NBAS: variants seen among roughly 807,000 people sequenced by gnomAD.
NBAS encodes NAG/BC035112 fusion.
NBAS carries 219 observed loss-of-function variants against 302.5 expected under a neutral mutation model. The observed-to-expected ratio is 0.72, with a 90% CI of 0.65 to 0.81. The LOEUF is 0.81. Among genes scored for constraint, NBAS ranks in the 30% least tolerant of loss-of-function variants. The probability of loss-of-function intolerance (pLI) is 0.00; values close to 1 mark genes in which losing one functional copy is unlikely to be tolerated. For synonymous variants in NBAS, 1,118 were observed against 1,021.6 expected, an observed-to-expected ratio of 1.09 and a Z score of -1.80; for missense variants, 2,932 against 2,841.6, an observed-to-expected ratio of 1.03 and a Z score of -0.72.
At position 15,468,311 on chromosome 2, in the gene NBAS, G is replaced by A. The variant is rs898933673; in HGVS notation, c.1877+71C>T. The A allele has an allele frequency of 1.3e-5, 21 of 1,556,334 alleles. No homozygotes were observed. In the African/African-American group the frequency reaches 2.7e-4, roughly 20 times the overall value. On this transcript the variant is annotated intron_variant, in intron 17 of 51. Transcript: ENST00000281513. ...ACTTAAATAAAGAAAAGTTTACCCA[G>A]TCCAATGTCTCAGTACAAAAGTTTT... is the stretch of plus-strand genomic sequence containing the variant.
chr2:14,843,582 A>ACACACACACACAC, the NBAS span, among the ~76,000 whole-genome samples: 8,199 of 150,524 alleles, frequency 0.054, 273 homozygotes, highest in African/African-American at 0.082. Context: ...ACACACACAC[A>ACACACACACACAC]AAAATACCTT....
the NBAS span, among the ~76,000 whole-genome samples, chr2:14,793,917 GA>G: frequency 2.6e-5 from 4 of 151,850 alleles, no homozygotes; most frequent in African/African-American, 7.2e-5. Flanking sequence ...CGAGTACCGT[GA>G]AAAAAAATGC....
intron 48 of NBAS, among the ~76,000 whole-genome samples, chr2:15,218,543 C>G (rs1414025555): frequency 6.6e-6 from 1 of 152,182 alleles, no homozygotes; most frequent in African/African-American, 2.4e-5. Flanking sequence ...CCTGCCTCAG[C>G]CTCCCGAGCA....
the NBAS span, among the ~76,000 whole-genome samples, chr2:14,836,300 A>G: frequency 6.6e-6 from 1 of 151,830 alleles, no homozygotes; most frequent in African/African-American, 2.4e-5. Context: ...TTATTGTGTT[A>G]CAACTATAAA....
intron 38 of NBAS, among the ~76,000 whole-genome samples, chr2:15,311,509 A>C (rs554215887): frequency 6.6e-6 from 1 of 152,210 alleles, no homozygotes; most frequent in African/African-American, 2.4e-5. Context: ...TTCCAATAAC[A>C]ACCACAGTGC....
At chr2:15,166,033 G>T (rs1455973441), downstream of NBAS, among the ~76,000 whole-genome samples, 1 of 152,254 alleles carries the variant, frequency 6.6e-6, no homozygotes, top group Non-Finnish European at 1.5e-5. Context: ...CTGCTGCTGT[G>T]GCTTCGATAA....
At position 15,461,197 on chromosome 2, in the gene NBAS, A is replaced by G; in HGVS notation, c.2339+4T>C. ...GGTAAAATTCTGTTAACATAGTCAC[A>G]TACCAAGCTTCGGGCAGCAAAACAG... On this transcript the variant is annotated splice_donor_region_variant and intron_variant, in intron 21 of 51. Coordinates refer to ENST00000281513, the MANE Select transcript of NBAS (RefSeq NM_015909.4). 6.2e-7 allele frequency: 1 copy of G among 1,613,496 alleles called. No homozygotes were observed. The highest frequency in any genetic ancestry group is 8.5e-7 in the Non-Finnish European group (1 of 1,179,476).
chr2:15,073,319 A>G, the NBAS span, among the ~76,000 whole-genome samples: 2 of 152,014 alleles, frequency 1.3e-5, no homozygotes, highest in African/African-American at 2.4e-5. Context: ...TCTCTACTAA[A>G]AATACAAAAA....
chr2:15,028,589 CATAATTGAGCA>C, the NBAS span, among the ~76,000 whole-genome samples: 1 of 152,326 alleles, frequency 6.6e-6, no homozygotes, highest in Admixed American at 6.5e-5. Context: ...TGAGGCCCTG[CATAATTGAGCA>C]ATCTGTGTTC....
chr2:14,826,774 C>G, the NBAS span, among the ~76,000 whole-genome samples: 1 of 152,194 alleles, frequency 6.6e-6, no homozygotes, highest in African/African-American at 2.4e-5. Flanking sequence ...CCATTCAACC[C>G]TACCCTAAAC....
chr2:15,466,936 C>CCA (rs1553319445), intron 19 of NBAS, among the ~76,000 whole-genome samples: 6 of 133,162 alleles, frequency 4.5e-5, no homozygotes, highest in Non-Finnish European at 9.5e-5. Flanking sequence ...GATCCTATCT[C>CCA]AAAAAAAAAA....
At chr2:15,233,838 G>C (rs1021812843) in intron 46 of NBAS, among the ~76,000 whole-genome samples, 3 of 152,108 alleles carry the variant, frequency 2.0e-5, no homozygotes, top group Non-Finnish European at 4.4e-5. Flanking sequence ...TAATCAAAAA[G>C]TTCCTCAAGA....
chr2:15,031,721 G>A, the NBAS span, among the ~76,000 whole-genome samples: 2 of 152,222 alleles, frequency 1.3e-5, no homozygotes, highest in African/African-American at 4.8e-5. Context: ...AATTTGAAAG[G>A]CCTGTGGCTG....
intron 44 of NBAS, among the ~76,000 whole-genome samples, chr2:15,247,542 G>A (rs937848977): frequency 3.3e-5 from 5 of 151,546 alleles, no homozygotes; most frequent in Non-Finnish European, 7.4e-5. Context: ...AAATGGAAAC[G>A]AAAAAAAGCA....
chr2:15,404,862 A>G (rs959752399), intron 25 of NBAS, among the ~76,000 whole-genome samples: 17 of 152,116 alleles, frequency 1.1e-4, no homozygotes, highest in African/African-American at 3.9e-4. Context: ...ATTTGACCAC[A>G]TATGTTCAAA....
the NBAS span, among the ~76,000 whole-genome samples, chr2:14,983,280 T>C: frequency 6.6e-6 from 1 of 152,244 alleles, no homozygotes; most frequent in Admixed American, 6.5e-5. Flanking sequence ...CATTGGATTT[T>C]AATCCAGGTG....
the NBAS span, among the ~76,000 whole-genome samples, chr2:14,912,129 A>G: frequency 1.3e-5 from 2 of 152,212 alleles, no homozygotes; most frequent in Non-Finnish European, 2.9e-5. Context: ...CAGTATTTCT[A>G]TATTGAAACA....
intron 35 of NBAS, among the ~76,000 whole-genome samples, chr2:15,346,214 C>A (rs145572436): frequency 6.6e-6 from 1 of 152,106 alleles, no homozygotes; most frequent in Non-Finnish European, 1.5e-5. Context: ...TTAGAGTGAA[C>A]AGGCAACCTA....
chr2:15,281,071 A>C (rs546640696), intron 42 of NBAS, among the ~76,000 whole-genome samples: 1 of 152,338 alleles, frequency 6.6e-6, no homozygotes, highest in African/African-American at 2.4e-5. Context: ...CAGGGAGTTG[A>C]TGAGAGAATC....
Sources: gnomAD v4.1 joint callset for allele counts (sites outside exome capture counted in the v4.1 genomes callset) on GRCh38, gnomAD v4.1.1 for gene constraint, MANE v1.5 for transcripts, NCBI Gene and HGNC (gene_info 2026-07-23, HGNC 2026-07-21) for gene names.